The following CDK14 variants were observed in gnomAD, a reference collection of about 807,000 sequenced individuals.
CDK14 encodes the protein cyclin-dependent kinase 14.
A neutral mutation model predicts 60.7 loss-of-function variants in CDK14; 34 were observed. The observed-to-expected ratio is 0.56, with a 90% CI of 0.43 to 0.75. CDK14 has a LOEUF of 0.75. CDK14 is among the 30% of genes least tolerant of loss of function. CDK14 has a pLI of 0.00. For synonymous variants in CDK14, 197 were observed against 203.7 expected, an observed-to-expected ratio of 0.97 and a Z score of 0.28; for missense variants, 482 against 564.1, an observed-to-expected ratio of 0.85 and a Z score of 1.47.
At chr7:90,657,375 A>G (rs1286948116) in intron 2 of CDK14, among the ~76,000 whole-genome samples, 1 of 152,202 alleles carries the variant, frequency 6.6e-6, no homozygotes, top group Non-Finnish European at 1.5e-5. Context: ...CTTTGCCTTG[A>G]CAGAGCTCTC....
intron 8 of CDK14, among the ~76,000 whole-genome samples, chr7:90,931,554 C>T (rs546431627): frequency 1.3e-5 from 2 of 152,270 alleles, no homozygotes; most frequent in East Asian, 3.9e-4. Context: ...CCTGACAGTC[C>T]CTGTCATTGC....
Position 91,045,943 on chromosome 7 carries a change from T to TA in CDK14, c.1089dup (p.Pro364ThrfsTer4), listed in dbSNP as rs1452944911. On this transcript the variant is annotated frameshift_variant, in exon 11 of 15. Coordinates refer to ENST00000380050, the MANE Select transcript of CDK14 (RefSeq NM_001287135.2). LOFTEE classifies it high-confidence loss of function. ...GACACATGGCCTGGAGTTCATTCTT[T>TA]ACCACATTTTAAGCCAGGTATGTTT... The TA allele has an allele frequency of 6.2e-7, 1 of 1,609,748 alleles. No homozygotes were observed. Among genetic ancestry groups the TA allele is most frequent in the Admixed American group, 1.7e-5 (1 of 59,984 alleles).
chr7:91,146,174 A>G (rs1211695516), intron 14 of CDK14, among the ~76,000 whole-genome samples: 2 of 152,166 alleles, frequency 1.3e-5, no homozygotes, highest in African/African-American at 4.8e-5. Flanking sequence ...ACATGTAGCT[A>G]TACAATCTGG....
chr7:90,781,137 G>A (rs1052149851), intron 4 of CDK14, among the ~76,000 whole-genome samples: 1 of 152,034 alleles, frequency 6.6e-6, no homozygotes, highest in African/African-American at 2.4e-5. Context: ...TTTGATTTGT[G>A]GTTTTGATTT....
At chr7:90,733,446 G>C (rs531301385) in intron 3 of CDK14, among the ~76,000 whole-genome samples, 14 of 152,106 alleles carry the variant, frequency 9.2e-5, no homozygotes, top group Middle Eastern at 3.4e-3. Context: ...ACTATTGTTT[G>C]GGAGTCTAAG....
At chr7:90,867,008 G>C (rs1238241302) in intron 6 of CDK14, among the ~76,000 whole-genome samples, 1 of 152,136 alleles carries the variant, frequency 6.6e-6, no homozygotes, top group African/African-American at 2.4e-5. Flanking sequence ...TGCTCCTTAA[G>C]TTGCTCATGT....
chr7:91,147,437 C>T (rs1256321350), intron 14 of CDK14, among the ~76,000 whole-genome samples: 2 of 151,982 alleles, frequency 1.3e-5, no homozygotes, highest in South Asian at 2.1e-4. Flanking sequence ...TTTTCTTTCC[C>T]GGAGAAAACA....
intron 7 of CDK14, among the ~76,000 whole-genome samples, chr7:90,906,501 CA>C (rs897661064): frequency 1.3e-5 from 2 of 152,010 alleles, no homozygotes; most frequent in African/African-American, 2.4e-5. Context: ...AAGCAGTGAT[CA>C]AATCATTTTG....
chr7:90,602,228 G>T (rs1021162886), intron 1 of CDK14, among the ~76,000 whole-genome samples: 1 of 152,216 alleles, frequency 6.6e-6, no homozygotes, highest in Non-Finnish European at 1.5e-5. Context: ...GCCGTGAATT[G>T]TAAGTTTGCT....
At chr7:90,938,095 G>A (rs1382632731) in intron 8 of CDK14, among the ~76,000 whole-genome samples, 1 of 152,216 alleles carries the variant, frequency 6.6e-6, no homozygotes, top group Non-Finnish European at 1.5e-5. Context: ...AGCTCAAATT[G>A]TAGATCCTAA....
chr7:90,927,512 A>G (rs1793454736), intron 8 of CDK14, among the ~76,000 whole-genome samples: 1 of 152,208 alleles, frequency 6.6e-6, no homozygotes, highest in South Asian at 2.1e-4. Flanking sequence ...CTAAATCACA[A>G]TGTCACACAA....
At chr7:90,672,437 T>G (rs1801113755) in intron 2 of CDK14, among the ~76,000 whole-genome samples, 2 of 151,294 alleles carry the variant, frequency 1.3e-5, no homozygotes, top group South Asian at 4.2e-4. Context: ...CATCTCTGGC[T>G]TCTTTTACTT....
At chr7:90,787,371 A>G (rs1444589462) in intron 4 of CDK14, among the ~76,000 whole-genome samples, 1 of 152,214 alleles carries the variant, frequency 6.6e-6, no homozygotes, top group African/African-American at 2.4e-5. Flanking sequence ...AAACTTTTCT[A>G]TATGTAGATG....
chr7:90,753,989 C>T (rs995392494), intron 4 of CDK14, among the ~76,000 whole-genome samples: 4 of 152,116 alleles, frequency 2.6e-5, no homozygotes, highest in African/African-American at 9.7e-5. Context: ...ATGACACAAA[C>T]AAATGGAAAA....
intron 10 of CDK14, among the ~76,000 whole-genome samples, chr7:90,986,429 AT>A (rs1428479923): frequency 1.3e-5 from 2 of 151,950 alleles, no homozygotes; most frequent in African/African-American, 2.4e-5. Context: ...TCCCAAGAAA[AT>A]CTCTTATTCA....
intron 14 of CDK14, among the ~76,000 whole-genome samples, chr7:91,179,790 G>A (rs540156739): frequency 1.9e-4 from 28 of 151,310 alleles, no homozygotes; most frequent in African/African-American, 6.8e-4. Context: ...GCGACAGAGC[G>A]AGACTCCGTC....
At position 90,705,594 on chromosome 7, in the gene CDK14, C is replaced by A. The variant is rs79873771; in HGVS notation, c.124-20973C>A. Among the ~76,000 whole-genome samples, 1,013 of 150,562 alleles carry A rather than the reference C, an allele frequency of 6.7e-3. 10 individuals are homozygous for A. The highest frequency in any genetic ancestry group is 0.023 in the African/African-American group (923 of 40,858). On this transcript the variant is annotated intron_variant, in intron 2 of 14. Coordinates refer to ENST00000380050, the MANE Select transcript of CDK14 (RefSeq NM_001287135.2). The stretch of plus-strand genomic sequence containing the variant: ...ACTCAGGAGAAAGTTCATGGTTCTG[C>A]TTTGAACCCACCTGTTGACTCGAGC...
chr7:90,717,866 A>C (rs1420947076), intron 2 of CDK14, among the ~76,000 whole-genome samples: 1 of 152,082 alleles, frequency 6.6e-6, no homozygotes, highest in Non-Finnish European at 1.5e-5. Flanking sequence ...TTGTGTGCTC[A>C]AGGTGTTTAC....
chr7:91,145,949 TA>T lies in CDK14; in HGVS notation c.*28+27742del, dbSNP rs137898601. Among the ~76,000 whole-genome samples, 12 of 149,410 alleles carry T rather than the reference TA, an allele frequency of 8.0e-5. No individual in the cohort carries two copies. The East Asian group carries it at 1.6e-3, about 20-fold the overall frequency. ...TTATTTATTTATTTATTTATTTATT[TA>T]TTTATTTTTTATGTCAAGGCATCAC... On this transcript the variant is annotated intron_variant, in intron 14 of 14. Coordinates refer to ENST00000380050, the MANE Select transcript of CDK14 (RefSeq NM_001287135.2).
Sources: allele counts gnomAD v4.1 joint callset (sites outside exome capture counted in the v4.1 genomes callset), GRCh38; gene constraint gnomAD v4.1.1; transcripts MANE v1.5; gene names NCBI Gene and HGNC (gene_info 2026-07-23, HGNC 2026-07-21).